TTC3: variants seen among roughly 807,000 people sequenced by gnomAD.
TTC3 encodes the protein tetratricopeptide repeat domain 3, also known as E3 ubiquitin-protein ligase TTC3.
Under a neutral mutation model 249.6 loss-of-function variants are expected in TTC3, and 180 were observed. That is an observed-to-expected ratio of 0.72 (90% CI 0.64 to 0.82). TTC3 has a LOEUF of 0.82. Ranked by LOEUF, TTC3 falls within the 40% of genes least tolerant of loss-of-function variation. The pLI, the probability that TTC3 is intolerant of heterozygous loss-of-function variation, is 0.00. For synonymous variants in TTC3, 717 were observed against 805.0 expected (o/e 0.89, Z 1.85); for missense variants, 2,061 against 2,398.4 (o/e 0.86, Z 2.94).
intron 23 of TTC3, 46 bp downstream of exon 23, chr21:37,148,693 A>G: frequency 2.3e-6 from 3 of 1,319,360 alleles, no homozygotes; most frequent in Non-Finnish European, 3.1e-6. Flanking sequence ...TACTTATTGT[A>G]TGTCAATTTT....
chr21:37,197,158 T>C (rs994011583), intron 42 of TTC3, among the ~76,000 whole-genome samples: 1 of 152,158 alleles, frequency 6.6e-6, no homozygotes, highest in South Asian at 2.1e-4. Context: ...TTGTAAACAA[T>C]GGGGCAGTTA....
At chr21:37,108,440 G>T (rs903248334) in exon 11 of TTC3, 12 of 1,612,134 alleles carry the variant, frequency 7.4e-6, no homozygotes, top group Non-Finnish European at 9.3e-6. Flanking sequence ...AGAACACTTG[G>T]CCAAAGGTAG....
Position 37,135,363 on chromosome 21 carries a change from G to A in TTC3, c.1444-17G>A. 1 of 1,595,750 alleles carries A rather than the reference G, an allele frequency of 6.3e-7. No individual in the cohort carries two copies. The highest frequency in any genetic ancestry group is 8.6e-7 in the Non-Finnish European group (1 of 1,168,656). Reference sequence around the variant, plus strand: ...TGTGTAGATTCAGGTTACTGAAATAGAATTTCTTTTTTCCAGGATTTTGCT... The same window carrying A: ...TGTGTAGATTCAGGTTACTGAAATAAAATTTCTTTTTTCCAGGATTTTGCT... On this transcript the variant is annotated splice_polypyrimidine_tract_variant and intron_variant, in intron 17 of 45. Coordinates refer to ENST00000355666, the Ensembl canonical transcript of TTC3.
At chr21:37,090,980 C>T (rs1386115992) in intron 6 of TTC3, among the ~76,000 whole-genome samples, 1 of 152,128 alleles carries the variant, frequency 6.6e-6, no homozygotes, top group Non-Finnish European at 1.5e-5. Flanking sequence ...ATTGCACTTG[C>T]CTGCTACCCC....
chr21:37,075,655 A>C (rs953020880), intron 1 of TTC3, among the ~76,000 whole-genome samples: 1 of 152,174 alleles, frequency 6.6e-6, no homozygotes, highest in African/African-American at 2.4e-5. Flanking sequence ...GCTTGTAGCC[A>C]CCTTGGCTTC....
intron 10 of TTC3, among the ~76,000 whole-genome samples, chr21:37,103,473 G>C (rs1488560505): frequency 6.6e-6 from 1 of 152,180 alleles, no homozygotes; most frequent in East Asian, 1.9e-4. Context: ...CAGTGGTCTG[G>C]ATGAGCAATA....
chr21:37,195,691 T>A (rs763009112), exon 42 of TTC3: 15 of 1,610,808 alleles, frequency 9.3e-6, no homozygotes, highest in Non-Finnish European at 1.1e-5. Flanking sequence ...CCCGAGTTAC[T>A]CCCTGAGTCT....
At chr21:37,090,508 C>A in intron 6 of TTC3, 12 of 852,038 alleles carry the variant, frequency 1.4e-5, no homozygotes, top group Non-Finnish European at 1.6e-5. Flanking sequence ...TAATTTTGAG[C>A]CTATTTTACA....
intron 27 of TTC3, among the ~76,000 whole-genome samples, chr21:37,156,167 G>A (rs925245076): frequency 1.3e-5 from 2 of 151,318 alleles, no homozygotes; most frequent in Non-Finnish European, 2.9e-5. Context: ...CTCCCAAGTA[G>A]CTGGGACTAC....
intron 10 of TTC3, chr21:37,108,115 A>G (rs1601479425): frequency 7.1e-6 from 2 of 279,850 alleles, no homozygotes; most frequent in East Asian, 1.6e-4. Context: ...ATGCATAGGT[A>G]CAATGTCGAA....
intron 27 of TTC3, among the ~76,000 whole-genome samples, chr21:37,153,734 A>G (rs2079713935): frequency 6.6e-6 from 1 of 152,162 alleles, no homozygotes; most frequent in South Asian, 2.1e-4. Flanking sequence ...AGGCACAACC[A>G]TGGTAAATAA....
intron 35 of TTC3, among the ~76,000 whole-genome samples, chr21:37,176,560 A>G (rs200936606): frequency 1.3e-5 from 2 of 152,184 alleles, no homozygotes; most frequent in South Asian, 2.1e-4. Context: ...CTCAGCCCAC[A>G]CTGGTGCAGA....
chr21:37,075,110 ATTGT>A (rs1459510413), intron 1 of TTC3, among the ~76,000 whole-genome samples: 1 of 145,238 alleles, frequency 6.9e-6, no homozygotes, highest in Non-Finnish European at 1.5e-5. Context: ...AATATATATT[ATTGT>A]TTGTTTTTAA....
At chr21:37,153,195 A>G (rs200345113) in exon 27 of TTC3, 2 of 1,614,194 alleles carry the variant, frequency 1.2e-6, no homozygotes, top group East Asian at 2.2e-5. Flanking sequence ...GAGTAAAGAC[A>G]AGAATATTTC....
chr21:37,108,241 T>G, intron 10 of TTC3, 151 bp from the exon 11 acceptor site: 1 of 599,816 alleles, frequency 1.7e-6, no homozygotes, highest in Non-Finnish European at 2.7e-6. Flanking sequence ...AAATTTCCTA[T>G]AATGGACATA....
chr21:37,200,383 A>C, intron 45 of TTC3, 59 bp downstream of exon 45: 1 of 1,529,588 alleles, frequency 6.5e-7, no homozygotes, highest in Non-Finnish European at 9.0e-7. Flanking sequence ...ATATTTTCAA[A>C]ATAAGAAAGG....
exon 33 of TTC3, chr21:37,166,217 T>C: frequency 3.7e-6 from 6 of 1,614,176 alleles, no homozygotes; most frequent in Non-Finnish European, 5.1e-6. Context: ...ACCGCCAGCA[T>C]ACATAAACGT....
intron 10 of TTC3, chr21:37,108,123 G>A (rs555694104): frequency 3.7e-5 from 11 of 298,230 alleles, no homozygotes; most frequent in East Asian, 1.4e-4. Flanking sequence ...GTACAATGTC[G>A]AAATGTGCAA....
At chr21:37,085,572 T>C (rs1412276076) in intron 1 of TTC3, among the ~76,000 whole-genome samples, 1 of 152,184 alleles carries the variant, frequency 6.6e-6, no homozygotes, top group Non-Finnish European at 1.5e-5. Context: ...CCGTAATGAC[T>C]CTTGGCTATG....
Sources: gnomAD v4.1 joint callset for allele counts (sites outside exome capture counted in the v4.1 genomes callset) on GRCh38, gnomAD v4.1.1 for gene constraint, MANE v1.5 for transcripts, NCBI Gene and HGNC (gene_info 2026-07-23, HGNC 2026-07-21) for gene names.